CDYL: variants seen among roughly 807,000 people sequenced by gnomAD.
The protein encoded by CDYL is chromodomain Y like, also known as chromodomain Y-like protein.
In CDYL, 8 loss-of-function variants were observed where a neutral mutation model predicts 47.3. The observed-to-expected ratio is 0.17, with a 90% CI of 0.10 to 0.31. The LOEUF is 0.31. Among genes scored for constraint, CDYL ranks in the 10% least tolerant of loss-of-function variants. CDYL has a pLI of 1.00. For synonymous variants in CDYL, 266 were observed against 265.0 expected, an observed-to-expected ratio of 1.00 and a Z score of -0.04; for missense variants, 471 against 701.4, an observed-to-expected ratio of 0.67 and a Z score of 3.71.
At chr6:4,895,308 T>C (rs62646181) in intron 2 of CDYL, among the ~76,000 whole-genome samples, 66 of 6,406 alleles carry the variant, frequency 0.01, 1 homozygote, top group African/African-American at 0.011. Flanking sequence ...TGTATATATG[T>C]GCATATATGC....
chr6:4,738,397 A>AAAAAT (rs1757739842), intron 3 of CDYL, among the ~76,000 whole-genome samples: 1 of 151,650 alleles, frequency 6.6e-6, no homozygotes, highest in South Asian at 2.1e-4. Flanking sequence ...AGTAATAAGT[A>AAAAAT]AAAATAAAAC....
chr6:4,717,839 A>ATTTTTTT (rs11450522), intron 2 of CDYL, among the ~76,000 whole-genome samples: 3 of 144,206 alleles, frequency 2.1e-5, no homozygotes, highest in Non-Finnish European at 1.5e-5. Context: ...ACCCTGTTAG[A>ATTTTTTT]TTTTTTTTTT....
Position 4,835,036 on chromosome 6 carries a change from G to A in CDYL, c.25-56677G>A, listed in dbSNP as rs536587615. Among the ~76,000 whole-genome samples the A allele has an allele frequency of 4.0e-5, 6 of 151,880 alleles. No individual in the cohort carries two copies. In the East Asian group the frequency reaches 9.7e-4, roughly 25 times the overall value. On this transcript the variant is annotated intron_variant, in intron 1 of 6. Coordinates refer to ENST00000397588, the MANE Select transcript of CDYL (RefSeq NM_004824.4). Reference sequence around the variant, plus strand: ...TGGTTTGAATTTCCTCCTGTAGCTCGTAGTTTGATCGTCTGAAGCCTTCTT... The same window carrying A: ...TGGTTTGAATTTCCTCCTGTAGCTCATAGTTTGATCGTCTGAAGCCTTCTT...
intron 2 of CDYL, chr6:4,724,991 T>C (rs923248518): frequency 6.6e-6 from 1 of 152,214 alleles, no homozygotes; most frequent in Non-Finnish European, 1.5e-5. Flanking sequence ...TACAGAGAGC[T>C]GATTGGTCCG....
chr6:4,788,259 G>A (rs1758811787), intron 1 of CDYL, among the ~76,000 whole-genome samples: 2 of 151,928 alleles, frequency 1.3e-5, no homozygotes, highest in South Asian at 2.1e-4. Flanking sequence ...GGAGGCCAAG[G>A]CAGGAGGATC....
intron 2 of CDYL, among the ~76,000 whole-genome samples, chr6:4,915,117 C>T (rs551813329): frequency 6.6e-5 from 10 of 152,376 alleles, no homozygotes; most frequent in Middle Eastern, 3.4e-3. Flanking sequence ...TTAATGACAG[C>T]AGATGCCCCA....
intron 1 of CDYL, chr6:4,890,085 G>C (rs946059874): frequency 1.0e-6 from 1 of 985,308 alleles, no homozygotes; most frequent in Non-Finnish European, 1.2e-6. Flanking sequence ...GAATACTCTG[G>C]TTTAGTATAC....
intron 2 of CDYL, among the ~76,000 whole-genome samples, chr6:4,898,970 A>G (rs372860581): frequency 2.6e-5 from 4 of 152,316 alleles, no homozygotes; most frequent in African/African-American, 9.6e-5. Flanking sequence ...CTCGTAATGT[A>G]TCACTTACTG....
rs181325187 is a variant in CDYL at position 4,784,638 on chromosome 6, A to G, written c.24+7831A>G. Among the ~76,000 whole-genome samples the G allele has an allele frequency of 5.1e-4, 77 of 152,358 alleles. No individual in the cohort carries two copies. In the East Asian group the frequency reaches 0.013, roughly 26 times the overall value. ...CTTGATATATAGTCTTGTACCACAT[A>G]ATGATACTTTGGTCTTACGATGGTG... On this transcript the variant is annotated intron_variant, in intron 1 of 6. Transcript: ENST00000397588.
intron 1 of CDYL, among the ~76,000 whole-genome samples, chr6:4,789,392 C>T (rs1193672707): frequency 1.3e-5 from 2 of 152,134 alleles, no homozygotes; most frequent in Admixed American, 6.5e-5. Flanking sequence ...GTTTCAGTTG[C>T]GCTTCTCTCC....
At position 4,715,657 on chromosome 6, in the gene CDYL, T is replaced by C. The variant is rs998158929; in HGVS notation, c.-38-84T>C. On this transcript the variant is annotated intron_variant, in intron 1 of 8. Transcript: ENST00000328908. Reference sequence around the variant, plus strand: ...CTCACTCTCAGATTCAATGTAGAACTGGTGAAAGTCATTAAATGCCATGAG... The same window carrying C: ...CTCACTCTCAGATTCAATGTAGAACCGGTGAAAGTCATTAAATGCCATGAG... 4.5e-6 allele frequency: 6 copies of C among 1,324,018 alleles called. No homozygotes were observed. In the African/African-American group the frequency reaches 7.4e-5, roughly 16 times the overall value. 82.0% of individuals were successfully genotyped at this position (1,324,018 alleles called of 1,614,324 possible).
At chr6:4,870,175 C>G (rs1479815751) in intron 1 of CDYL, among the ~76,000 whole-genome samples, 1 of 152,180 alleles carries the variant, frequency 6.6e-6, no homozygotes, top group African/African-American at 2.4e-5. Context: ...AGCAATCCTC[C>G]TACCTCAGCT....
chr6:4,756,311 A>G (rs949194625), intron 3 of CDYL, among the ~76,000 whole-genome samples: 1 of 152,104 alleles, frequency 6.6e-6, no homozygotes, highest in Admixed American at 6.6e-5. Flanking sequence ...AGCTGATAAA[A>G]TTCACTCCAC....
chr6:4,735,787 A>G (rs1376463893), intron 3 of CDYL, among the ~76,000 whole-genome samples: 3 of 152,198 alleles, frequency 2.0e-5, no homozygotes, highest in Non-Finnish European at 4.4e-5. Context: ...ATAGTTGTAC[A>G]TATTTAATGT....
At chr6:4,902,980 C>T (rs1385377609) in intron 2 of CDYL, among the ~76,000 whole-genome samples, 1 of 152,240 alleles carries the variant, frequency 6.6e-6, no homozygotes, top group African/African-American at 2.4e-5. Flanking sequence ...GAATCTCCTA[C>T]ATTGCCTAGT....
chr6:4,841,630 G>A (rs191485874), intron 1 of CDYL, among the ~76,000 whole-genome samples: 7 of 152,060 alleles, frequency 4.6e-5, no homozygotes, highest in Admixed American at 1.3e-4. Context: ...TAAAATTTCC[G>A]TCTTGATTTC....
intron 2 of CDYL, among the ~76,000 whole-genome samples, chr6:4,732,666 A>ATTT (rs1554132546): frequency 1.1e-3 from 131 of 115,732 alleles, no homozygotes; most frequent in African/African-American, 4.6e-3. Context: ...CTGTTTTTTA[A>ATTT]AAAAAAAGAG....
intron 2 of CDYL, among the ~76,000 whole-genome samples, chr6:4,923,857 C>T (rs1181798287): frequency 2.0e-5 from 3 of 149,992 alleles, no homozygotes; most frequent in African/African-American, 4.9e-5. Flanking sequence ...GCCGAGGTCG[C>T]GCCACTGCAC....
intron 1 of CDYL, among the ~76,000 whole-genome samples, chr6:4,835,465 A>G (rs1205142930): frequency 6.6e-6 from 1 of 152,114 alleles, no homozygotes; most frequent in Admixed American, 6.5e-5. Flanking sequence ...GCCATGTGAG[A>G]TGTCAGTCCG....
Sources: gnomAD v4.1 joint callset for allele counts (sites outside exome capture counted in the v4.1 genomes callset) on GRCh38, gnomAD v4.1.1 for gene constraint, MANE v1.5 for transcripts, NCBI Gene and HGNC (gene_info 2026-07-23, HGNC 2026-07-21) for gene names.